The following BTBD9 variants were observed in gnomAD, a reference collection of about 807,000 sequenced individuals.
BTBD9 encodes BTB domain containing 9.
In BTBD9, 49 loss-of-function variants were observed where a neutral mutation model predicts 64.3. The observed-to-expected ratio is 0.76, with a 90% CI of 0.61 to 0.97. The LOEUF is 0.97. BTBD9 is among the 50% of genes least tolerant of loss of function. The pLI is 0.00. For missense variants in BTBD9, 598 were observed against 762.1 expected (o/e 0.78, Z 2.53); for synonymous variants, 260 against 274.7 (o/e 0.95, Z 0.53).
At chr6:38,533,614 C>A (rs751418937) in intron 6 of BTBD9, among the ~76,000 whole-genome samples, 21 of 152,096 alleles carry the variant, frequency 1.4e-4, no homozygotes, top group Admixed American at 3.9e-4. Flanking sequence ...GCATATGGAA[C>A]CTTATCAAGG....
intron 10 of BTBD9, among the ~76,000 whole-genome samples, chr6:38,186,385 A>T (rs1222320980): frequency 6.6e-6 from 1 of 152,226 alleles, no homozygotes; most frequent in Non-Finnish European, 1.5e-5. Flanking sequence ...CTAAGCTAGG[A>T]GATGCTGAGA....
chr6:38,310,728 C>G (rs1221423006), intron 7 of BTBD9, among the ~76,000 whole-genome samples: 5 of 152,056 alleles, frequency 3.3e-5, no homozygotes, highest in Non-Finnish European at 5.9e-5. Context: ...TATTTTGGTA[C>G]AGGGTATCCA....
At chr6:38,506,027 T>G (rs567550404) in intron 6 of BTBD9, among the ~76,000 whole-genome samples, 1 of 146,308 alleles carries the variant, frequency 6.8e-6, no homozygotes, top group Non-Finnish European at 1.5e-5. Flanking sequence ...CAAATTGTGC[T>G]GCAACTCTGG....
At chr6:38,466,035 G>T (rs1240660205) in intron 6 of BTBD9, among the ~76,000 whole-genome samples, 1 of 150,598 alleles carries the variant, frequency 6.6e-6, no homozygotes, top group East Asian at 2.0e-4. Flanking sequence ...CTAGTTTCAA[G>T]TTCCTGGTTT....
At chr6:38,508,719 ACTG>A (rs951575671) in intron 6 of BTBD9, among the ~76,000 whole-genome samples, 1 of 151,976 alleles carries the variant, frequency 6.6e-6, no homozygotes, top group Non-Finnish European at 1.5e-5. Flanking sequence ...CTCCCCTCTC[ACTG>A]CTGCTTGCCT....
Position 38,598,070 on chromosome 6 carries a change from G to C in BTBD9, c.25C>G (p.Pro9Ala). 6.2e-7 allele frequency: 1 copy of C among 1,613,688 alleles called. No individual in the cohort carries two copies. The highest frequency in any genetic ancestry group is 8.5e-7 in the Non-Finnish European group (1 of 1,179,790). The change falls in exon 2 of 11, where the codon CCC (proline) becomes GCC (alanine). Residue 9 changes from proline (P) to alanine (A), a missense_variant. By Grantham distance (27) the Pro-to-Ala change is conservative (BLOSUM62 -1). Transcript: ENST00000481247. The stretch of plus-strand genomic sequence containing the variant: ...TCAATTTCCCCCACTGCAGTAAAGG[G>C]GCGAAGAGGGTGGCTGTTACTCATC... MSNSHPLR[P>A]FTAVGEIDHV...
chr6:38,218,139 T>C (rs763066499), intron 9 of BTBD9, among the ~76,000 whole-genome samples: 1 of 152,176 alleles, frequency 6.6e-6, no homozygotes, highest in Non-Finnish European at 1.5e-5. Flanking sequence ...CACCAGTATG[T>C]CATACCTCTG....
intron 6 of BTBD9, among the ~76,000 whole-genome samples, chr6:38,378,755 T>TC (rs1765798100): frequency 6.6e-6 from 1 of 151,056 alleles, no homozygotes; most frequent in African/African-American, 2.4e-5. Flanking sequence ...GTACCTGTAA[T>TC]CTCAGCTACT....
intron 6 of BTBD9, among the ~76,000 whole-genome samples, chr6:38,439,449 C>T (rs1173383780): frequency 6.6e-6 from 1 of 150,716 alleles, no homozygotes; most frequent in African/African-American, 2.4e-5. Context: ...TTGTTTTTGA[C>T]AGAGTCACAC....
At chr6:38,527,148 T>C (rs900852866) in intron 6 of BTBD9, among the ~76,000 whole-genome samples, 2 of 151,094 alleles carry the variant, frequency 1.3e-5, no homozygotes, top group Non-Finnish European at 2.9e-5. Context: ...TGGTGGCATG[T>C]ACCTGTAATC....
chr6:38,379,045 A>C (rs1397373186), intron 6 of BTBD9, among the ~76,000 whole-genome samples: 1 of 152,088 alleles, frequency 6.6e-6, no homozygotes, highest in Non-Finnish European at 1.5e-5. Context: ...CAGCAAATTA[A>C]TAATTTTCCA....
chr6:38,637,608 T>C (rs1778569848), intron 1 of BTBD9, among the ~76,000 whole-genome samples: 1 of 152,316 alleles, frequency 6.6e-6, no homozygotes, highest in Middle Eastern at 3.4e-3. Context: ...AGCAAAACTA[T>C]GTCACTGAGT....
chr6:38,538,509 AG>A (rs1362547383), intron 6 of BTBD9, among the ~76,000 whole-genome samples: 2 of 152,188 alleles, frequency 1.3e-5, no homozygotes, highest in African/African-American at 4.8e-5. Flanking sequence ...TATAAGCAGG[AG>A]CAATTTCTTT....
intron 6 of BTBD9, among the ~76,000 whole-genome samples, chr6:38,530,929 T>C (rs765842808): frequency 1.8e-4 from 28 of 151,658 alleles, no homozygotes; most frequent in African/African-American, 3.4e-4. Context: ...AAGTATACAA[T>C]CAAAGGAAAC....
intron 6 of BTBD9, among the ~76,000 whole-genome samples, chr6:38,421,678 T>A (rs1213268171): frequency 6.6e-6 from 1 of 152,198 alleles, no homozygotes; most frequent in South Asian, 2.1e-4. Context: ...CATGACCAGA[T>A]AAATGGACGA....
In BTBD9 at chr6:38,170,876, C is replaced by T. The variant is rs373169948; in HGVS notation, c.*4109G>A. The T allele has an allele frequency of 2.4e-4, 36 of 152,368 alleles. No homozygotes were observed. The East Asian group carries it at 3.1e-3, about 13-fold the overall frequency. 9.4% of individuals were successfully genotyped at this position (152,368 alleles called of 1,614,324 possible). On this transcript the variant is annotated 3_prime_UTR_variant, in exon 11 of 11. Coordinates refer to ENST00000481247, the MANE Select transcript of BTBD9 (RefSeq NM_001099272.2). Reference sequence around the variant, plus strand: ...GGCATCGCTGCAGACCTGCCCTGCCCGGGCCGTGCCCGACCTGGGCATCGC... The same window carrying T: ...GGCATCGCTGCAGACCTGCCCTGCCTGGGCCGTGCCCGACCTGGGCATCGC...
At chr6:38,526,962 A>G (rs1392303208) in intron 6 of BTBD9, among the ~76,000 whole-genome samples, 1 of 152,072 alleles carries the variant, frequency 6.6e-6, no homozygotes, top group Non-Finnish European at 1.5e-5. Context: ...GACTGTTGAG[A>G]AGGCATGATT....
At chr6:38,625,644 T>C (rs1582736200) in intron 1 of BTBD9, among the ~76,000 whole-genome samples, 1 of 152,320 alleles carries the variant, frequency 6.6e-6, no homozygotes, top group African/African-American at 2.4e-5. Flanking sequence ...TTAGTAAATA[T>C]TCACAGATTC....
At chr6:38,574,040 G>A (rs1378040112) in intron 6 of BTBD9, among the ~76,000 whole-genome samples, 1 of 152,190 alleles carries the variant, frequency 6.6e-6, no homozygotes, top group East Asian at 1.9e-4. Context: ...ATAAATTGAT[G>A]AGTCACTTTT....
Sources: gnomAD v4.1 joint callset for allele counts (sites outside exome capture counted in the v4.1 genomes callset) on GRCh38, gnomAD v4.1.1 for gene constraint, MANE v1.5 for transcripts, NCBI Gene and HGNC (gene_info 2026-07-23, HGNC 2026-07-21) for gene names.